The following UNC13B variants were observed in gnomAD, a reference collection of about 807,000 sequenced individuals.
UNC13B encodes unc-13 homolog B, also known as protein unc-13 homolog B.
In UNC13B, 144 loss-of-function variants were observed where a neutral mutation model predicts 211.0. That is an observed-to-expected ratio of 0.68 (90% CI 0.60 to 0.78). The LOEUF (loss-of-function observed/expected upper bound fraction) is 0.78. Among genes scored for constraint, UNC13B ranks in the 30% least tolerant of loss-of-function variants. UNC13B has a pLI of 0.00. For missense variants in UNC13B, 1,777 were observed against 2,002.0 expected (o/e 0.89, Z 2.14); for synonymous variants, 709 against 725.8 (o/e 0.98, Z 0.37).
rs1835882477 is a variant in UNC13B, at chr9:35,396,456, A to C, written c.11309-20A>C. 4 of 1,613,946 alleles carry C rather than the reference A, an allele frequency of 2.5e-6. No individual in the cohort carries two copies. In the African/African-American group the frequency reaches 4.0e-5, roughly 16 times the overall value. ...GCCTCTACTGCTGGGACCTGACCCA[A>C]CCTTTCTCCCTACCACTAGAGCATG... On this transcript the variant is annotated intron_variant, in intron 26 of 39. Transcript: ENST00000635942.
chr9:35,247,439 A>G (rs1826172588), intron 6 of UNC13B, among the ~76,000 whole-genome samples: 1 of 152,190 alleles, frequency 6.6e-6, no homozygotes, highest in Admixed American at 6.5e-5. Context: ...GCCAGTTTTC[A>G]AAGGGAATGC....
intron 12 of UNC13B, among the ~76,000 whole-genome samples, chr9:35,369,215 G>A (rs1286807515): frequency 6.6e-6 from 1 of 152,156 alleles, no homozygotes; most frequent in Non-Finnish European, 1.5e-5. Flanking sequence ...ATAGCTACAA[G>A]TACCTACTTT....
chr9:35,206,622 T>G (rs1322328891), intron 1 of UNC13B, among the ~76,000 whole-genome samples: 2 of 152,120 alleles, frequency 1.3e-5, no homozygotes, highest in African/African-American at 2.4e-5. Flanking sequence ...ACACCTGTAA[T>G]CCCAGCACTT....
intron 1 of UNC13B, among the ~76,000 whole-genome samples, chr9:35,190,225 C>T (rs1267743208): frequency 6.6e-6 from 1 of 152,174 alleles, no homozygotes; most frequent in Non-Finnish European, 1.5e-5. Context: ...ATTTTGTAAT[C>T]GGCCCATCCC....
At chr9:35,284,866 C>T (rs888121992) in intron 7 of UNC13B, among the ~76,000 whole-genome samples, 5 of 152,142 alleles carry the variant, frequency 3.3e-5, no homozygotes, top group Admixed American at 3.3e-4. Flanking sequence ...CTTAAGTATT[C>T]CATCATTTTA....
intron 11 of UNC13B, among the ~76,000 whole-genome samples, chr9:35,334,046 A>G (rs939428362): frequency 6.6e-6 from 1 of 151,246 alleles, no homozygotes; most frequent in Non-Finnish European, 1.5e-5. Flanking sequence ...GCTTACTGCA[A>G]CCTCCTCCTC....
intron 7 of UNC13B, among the ~76,000 whole-genome samples, chr9:35,260,956 T>TA (rs1049925909): frequency 1.3e-5 from 2 of 152,156 alleles, no homozygotes; most frequent in African/African-American, 4.8e-5. Flanking sequence ...CAGGAGGAAA[T>TA]AAAAAACCTT....
rs1008927423 is a variant in UNC13B, at chr9:35,295,813, A to C, written c.644A>C (p.Gln215Pro). The C allele has an allele frequency of 2.5e-6, 4 of 1,614,080 alleles. No homozygotes were observed. The highest frequency in any genetic ancestry group is 1.7e-5 in the Admixed American group (1 of 60,000). Residue 215 changes from glutamine (Q) to proline (P), a missense_variant, in exon 8 of 40, where the codon CAG becomes CCG. Transcript: ENST00000635942. The stretch of plus-strand genomic sequence containing the variant: ...TCCCAGCCCAACGCTTCTGTGCACC[A>C]GTTCCCTGTGCCGGTGCGATCGCCA... ...TASQPNASVH[Q>P]FPVPVRSPQQ...
intron 1 of UNC13B, among the ~76,000 whole-genome samples, chr9:35,187,289 G>T (rs1159799394): frequency 1.3e-5 from 2 of 152,124 alleles, no homozygotes; most frequent in Non-Finnish European, 2.9e-5. Flanking sequence ...TCATTACCTG[G>T]CAGATGTTGC....
intron 8 of UNC13B, among the ~76,000 whole-genome samples, chr9:35,298,449 A>T (rs533164752): frequency 7.9e-5 from 12 of 152,220 alleles, no homozygotes; most frequent in Non-Finnish European, 1.2e-4. Context: ...TCACCAGACC[A>T]TAGGATGATG....
chr9:35,384,639 T>C, intron 22 of UNC13B: 3 of 985,434 alleles, frequency 3.0e-6, no homozygotes, highest in Non-Finnish European at 3.6e-6. Context: ...TTTTAAAAAA[T>C]TAGATACCTA....
At chr9:35,314,013 G>T (rs1266260064) in intron 11 of UNC13B, 24 bp downstream of exon 11, 2 of 1,590,870 alleles carry the variant, frequency 1.3e-6, no homozygotes, top group Non-Finnish European at 8.6e-7. Flanking sequence ...TCTAGTACTG[G>T]TTGGGACAAT....
chr9:35,231,844 T>A (rs926042868), intron 3 of UNC13B, among the ~76,000 whole-genome samples: 1 of 152,186 alleles, frequency 6.6e-6, no homozygotes, highest in Non-Finnish European at 1.5e-5. Flanking sequence ...CTTTTGTCCC[T>A]TTAGTTTCAG....
intron 5 of UNC13B, among the ~76,000 whole-genome samples, chr9:35,239,535 T>C (rs575502333): frequency 2.0e-5 from 3 of 152,266 alleles, no homozygotes; most frequent in Non-Finnish European, 4.4e-5. Context: ...CGGGCATGCA[T>C]TGTCATTGAT....
At chr9:35,248,965 TC>T (rs1826279317) in intron 6 of UNC13B, among the ~76,000 whole-genome samples, 1 of 152,200 alleles carries the variant, frequency 6.6e-6, no homozygotes, top group South Asian at 2.1e-4. Flanking sequence ...TGTTAAAGTC[TC>T]CCATTATTAT....
At chr9:35,197,653 T>C (rs1226619838) in intron 1 of UNC13B, among the ~76,000 whole-genome samples, 1 of 152,246 alleles carries the variant, frequency 6.6e-6, no homozygotes, top group Non-Finnish European at 1.5e-5. Flanking sequence ...AGGAGGGGCC[T>C]GGTGGGAGGT....
intron 11 of UNC13B, among the ~76,000 whole-genome samples, chr9:35,333,801 G>A (rs867272771): frequency 5.9e-5 from 9 of 152,214 alleles, no homozygotes; most frequent in African/African-American, 1.9e-4. Flanking sequence ...CAACCTTTAG[G>A]AGTTGCTGAA....
chr9:35,236,429 T>C (rs1178121239), intron 3 of UNC13B, 40 bp from the exon 4 acceptor site: 1 of 1,510,442 alleles, frequency 6.6e-7, no homozygotes, highest in Non-Finnish European at 9.2e-7. Flanking sequence ...TTCTTTCATA[T>C]TGTCTAGCTT....
chr9:35,205,184 G>A (rs573052952), intron 1 of UNC13B, among the ~76,000 whole-genome samples: 34 of 152,148 alleles, frequency 2.2e-4, no homozygotes, highest in South Asian at 1.9e-3. Flanking sequence ...TACCTTGATT[G>A]TAAGCTTCCT....
Sources: gnomAD v4.1 joint callset for allele counts (sites outside exome capture counted in the v4.1 genomes callset) on GRCh38, gnomAD v4.1.1 for gene constraint, MANE v1.5 for transcripts, NCBI Gene and HGNC (gene_info 2026-07-23, HGNC 2026-07-21) for gene names.